Variants in RPGR observed in about 807,000 individuals in gnomAD.
The protein encoded by RPGR is retinitis pigmentosa GTPase regulator, also known as X-linked retinitis pigmentosa GTPase regulator.
Under a neutral mutation model 56.3 loss-of-function variants are expected in RPGR, and 10 were observed. The observed-to-expected ratio is 0.18, with a 90% CI of 0.11 to 0.30. The LOEUF (loss-of-function observed/expected upper bound fraction) is 0.30. Ranked by LOEUF, RPGR falls within the 10% of genes least tolerant of loss-of-function variation. The pLI, the probability that RPGR is intolerant of heterozygous loss-of-function variation, is 1.00. For synonymous variants in RPGR, 197 were observed against 212.9 expected, an observed-to-expected ratio of 0.93 and a Z score of 0.65; for missense variants, 538 against 590.9, an observed-to-expected ratio of 0.91 and a Z score of 0.93.
rs2066797107 is a variant in RPGR at position 38,269,692 on chromosome X, A to G, written c.2382T>C (p.Ser794=). ...TTGGTGGGATATTCTGATGATTCTG[A>G]CTCATGTGGTTCTGGTCGGCATCTT... is the stretch of plus-strand genomic sequence containing the variant. The change falls in exon 19 of 19, where the codon AGT becomes AGC. Residue 794 remains serine, a synonymous_variant. Transcript: ENST00000642395. 8.3e-7 allele frequency: 1 copy of G among 1,207,300 alleles called. No individual in the cohort carries two copies. The highest frequency in any genetic ancestry group is 1.8e-5 in the African/African-American group (1 of 56,922).
intron 10 of RPGR, among the ~76,000 whole-genome samples, chrX:38,297,949 A>G: frequency 8.9e-6 from 1 of 112,011 alleles, no homozygotes; most frequent in Non-Finnish European, 1.9e-5. Context: ...TTCAAAAATT[A>G]TTTGCCATTT....
rs1285947203 is a variant in RPGR, at chrX:38,299,061, T to C, written c.1140A>G (p.Ile380Met). The stretch of plus-strand genomic sequence containing the variant: ...TCGCCACAGATAAGCAAGTATCATT[T>C]ATTTCATCGAATTCAATTTCTTTTG... The change falls in exon 10 of 19, where the codon ATA (isoleucine) becomes ATG (methionine). Residue 380 changes from isoleucine to methionine, a missense_variant. Coordinates refer to ENST00000642395, the MANE Select transcript of RPGR (RefSeq NM_000328.3). 2.5e-6 allele frequency: 3 copies of C among 1,210,038 alleles called. No homozygotes were observed. The highest frequency in any genetic ancestry group is 3.4e-6 in the Non-Finnish European group (3 of 895,274).
chrX:38,323,521 G>A lies in RPGR; in HGVS notation c.32C>T (p.Ser11Leu), dbSNP rs143975950. Residue 11 changes from serine (S) to leucine (L), a missense_variant, in exon 2 of 19, where the codon TCG becomes TTG. By Grantham distance (145) the Ser-to-Leu change is moderately radical. Around this residue, in one of 2 missense-constraint regions of RPGR, gnomAD observed 181 missense variants for 265.1 expected, o/e 0.68. Transcript: ENST00000642395. Reference sequence around the variant, plus strand: ...TTTCCCAAATGTAAACACAGCACCCGAATCTGCAAATATAAGACGGTCTTT... The same window carrying A: ...TTTCCCAAATGTAAACACAGCACCCAAATCTGCAAATATAAGACGGTCTTT... The A allele has an allele frequency of 5.8e-6, 7 of 1,206,101 alleles. No individual in the cohort carries two copies. The highest frequency in any genetic ancestry group is 2.9e-4 in the Middle Eastern group (1 of 3,477).
chrX:38,276,167 G>T (rs1057391801), intron 16 of RPGR, among the ~76,000 whole-genome samples: 2 of 111,736 alleles, frequency 1.8e-5, no homozygotes, highest in African/African-American at 6.5e-5. Context: ...ATACTGCTGT[G>T]ACCAACTTTC....
chrX:38,293,982 T>C (rs1402827254), intron 11 of RPGR, among the ~76,000 whole-genome samples: 1 of 111,365 alleles, frequency 9.0e-6, no homozygotes. Flanking sequence ...TGCTCCACTT[T>C]ATCAGCAAAT....
Position 38,287,104 on chromosome X carries a change from T to C in RPGR, c.1895A>G (p.Asp632Gly). Residue 632 changes from aspartate (D) to glycine (G), a missense_variant, in exon 15 of 19, where the codon GAC (aspartate) becomes GGC (glycine). Asp to Gly is a moderately conservative substitution (Grantham distance 94). Transcript: ENST00000642395. ...CTTGCCTTCACTCACCTCTGCTTTG[T>C]CTGTAAGGTCATCTGATAGGATCTC... 8.3e-7 allele frequency: 1 copy of C among 1,211,357 alleles called. No individual in the cohort carries two copies. Among genetic ancestry groups the C allele is most frequent in the Non-Finnish European group, 1.1e-6 (1 of 895,484 alleles).
intron 15 of RPGR, chrX:38,285,021 T>C (rs752641746): frequency 1.3e-6 from 1 of 749,358 alleles, no homozygotes; most frequent in Admixed American, 8.4e-5. Context: ...GACAATACTT[T>C]CTTTAAAATG....
chrX:38,319,055 A>C (rs773949119), intron 4 of RPGR, 68 bp from the exon 5 acceptor site: 30 of 1,080,641 alleles, frequency 2.8e-5, no homozygotes, highest in Non-Finnish European at 3.8e-5. Flanking sequence ...GTCAGTGTAT[A>C]GCAGCGATTT....
At chrX:38,301,002 T>C (rs1364967917) in intron 9 of RPGR, among the ~76,000 whole-genome samples, 2 of 111,245 alleles carry the variant, frequency 1.8e-5, no homozygotes, top group African/African-American at 3.3e-5. Flanking sequence ...AACAGATATA[T>C]GAGAATGAAG....
At chrX:38,274,802 C>T (rs1364296600) in intron 17 of RPGR, among the ~76,000 whole-genome samples, 2 of 111,077 alleles carry the variant, frequency 1.8e-5, no homozygotes, top group Non-Finnish European at 3.8e-5. Flanking sequence ...GCAACAAGAG[C>T]GAAACTCTGT....
intron 15 of RPGR, chrX:38,286,048 T>TCTTCCC: frequency 2.0e-6 from 1 of 500,888 alleles, no homozygotes; most frequent in South Asian, 3.5e-5. Flanking sequence ...TTCTCCTTCC[T>TCTTCCC]CCTCTTCCCC....
intron 5 of RPGR, 23 bp downstream of exon 5, chrX:38,318,806 A>C (rs376928552): frequency 8.3e-7 from 1 of 1,207,972 alleles, no homozygotes; most frequent in Admixed American, 2.2e-5. Flanking sequence ...TGTGTCCCAG[A>C]CTGAAAAAGA....
At chrX:38,273,614 T>A in intron 17 of RPGR, 1 of 439,384 alleles carries the variant, frequency 2.3e-6, no homozygotes, top group Non-Finnish European at 3.9e-6. Flanking sequence ...GTGGACAACA[T>A]CTACACTGCA....
At position 38,269,848 on chromosome X, in the gene RPGR, C is replaced by T; in HGVS notation, c.2242-16G>A. On this transcript the variant is annotated splice_polypyrimidine_tract_variant and intron_variant, in intron 18 of 18. Transcript: ENST00000642395. ...ACAGAAAAATCTAGGAAAAAAACCA[C>T]ACACACAAATATTCATTTCCATAAG... is the stretch of plus-strand genomic sequence containing the variant. The T allele has an allele frequency of 9.1e-7, 1 of 1,095,346 alleles. No individual in the cohort carries two copies. Among genetic ancestry groups the T allele is most frequent in the South Asian group, 1.9e-5 (1 of 53,932 alleles). 90.3% of individuals were successfully genotyped at this position (1,095,346 alleles called of 1,213,427 possible). A position where few individuals can be genotyped will look rare whatever the true frequency, so the allele number is the denominator to read the frequency against.
intron 2 of RPGR, among the ~76,000 whole-genome samples, 186 bp from the exon 3 acceptor site, chrX:38,323,131 C>A (rs924434656): frequency 9.0e-6 from 1 of 111,708 alleles, no homozygotes; most frequent in Non-Finnish European, 1.9e-5. Flanking sequence ...TAAAATTATA[C>A]GGTAACAGGT....
chrX:38,292,875 G>C (rs1430924299), intron 11 of RPGR, among the ~76,000 whole-genome samples: 1 of 111,305 alleles, frequency 9.0e-6, no homozygotes, highest in Non-Finnish European at 1.9e-5. Flanking sequence ...AGGTGTAAGG[G>C]GAAGACAATG....
chrX:38,310,400 T>C (rs766587458), intron 7 of RPGR, among the ~76,000 whole-genome samples: 1 of 111,176 alleles, frequency 9.0e-6, no homozygotes, highest in East Asian at 2.8e-4. Flanking sequence ...GGGCGTGAAG[T>C]TTCAGTTACT....
At chrX:38,285,621 T>G in intron 15 of RPGR, 1 of 1,211,772 alleles carries the variant, frequency 8.3e-7, no homozygotes. Flanking sequence ...AAAGTCGTTT[T>G]GACTGGACTG....
chrX:38,327,491 A>G lies in RPGR; in HGVS notation c.-124T>C, dbSNP rs2068075997. The G allele has an allele frequency of 1.5e-6, 1 of 657,042 alleles. No individual in the cohort carries two copies. Among genetic ancestry groups the G allele is most frequent in the South Asian group, 3.2e-5 (1 of 31,045 alleles). 54.1% of individuals were successfully genotyped at this position (657,042 alleles called of 1,213,427 possible). On this transcript the variant is annotated 5_prime_UTR_variant, in exon 1 of 19. Transcript: ENST00000642395. Reference sequence around the variant, plus strand: ...AAAGCCCCCAAGTTCCGCATGGCGAAACTCCGGAGATCAACTACAACCGCG... The same window carrying G: ...AAAGCCCCCAAGTTCCGCATGGCGAGACTCCGGAGATCAACTACAACCGCG...
Sources: gnomAD v4.1 joint callset for allele counts (sites outside exome capture counted in the v4.1 genomes callset) on GRCh38, gnomAD v4.1.1 for gene constraint, gnomAD v4.1.1 regional missense constraint, MANE v1.5 for transcripts, NCBI Gene and HGNC (gene_info 2026-07-23, HGNC 2026-07-21) for gene names.